Variants in NUP153 observed in about 807,000 individuals in gnomAD.
The protein encoded by NUP153 is nuclear pore complex protein Nup153.
In NUP153, 27 loss-of-function variants were observed where a neutral mutation model predicts 134.6. That is an observed-to-expected ratio of 0.20 (90% CI 0.15 to 0.28). The LOEUF is 0.28. Ranked by LOEUF, NUP153 falls within the 10% of genes least tolerant of loss-of-function variation. NUP153 has a pLI of 1.00. For synonymous variants in NUP153, 640 were observed against 623.5 expected (o/e 1.03, Z -0.40); for missense variants, 1,821 against 1,731.3 (o/e 1.05, Z -0.92).
In NUP153 at chr6:17,628,147, T is replaced by G. The variant is rs1489332760; in HGVS notation, c.3544+508A>C. On this transcript the variant is annotated intron_variant, in intron 18 of 21. Transcript: ENST00000262077. The surrounding 1 kb of genome is among the most constrained non-coding windows in gnomAD (Gnocchi z 5.4). ...CACCAACAATCATGCTTTTAACCTTTAAGGTGCTATGTCATTTTTTTCCCC... is the reference window on the plus strand; with the variant it reads ...CACCAACAATCATGCTTTTAACCTTGAAGGTGCTATGTCATTTTTTTCCCC... 6.6e-6 allele frequency among the ~76,000 whole-genome samples: 1 copy of G among 152,234 alleles called. No individual in the cohort carries two copies. Among genetic ancestry groups the G allele is most frequent in the Non-Finnish European group, 1.5e-5 (1 of 68,044 alleles).
At chr6:17,678,960 A>T (rs866012897) in intron 2 of NUP153, among the ~76,000 whole-genome samples, 20 of 151,272 alleles carry the variant, frequency 1.3e-4, no homozygotes, top group Admixed American at 4.6e-4. Flanking sequence ...AAAAAAAAAA[A>T]AAATAAGTCT....
chr6:17,634,167 G>A (rs916933944), intron 16 of NUP153, among the ~76,000 whole-genome samples: 14 of 151,964 alleles, frequency 9.2e-5, no homozygotes, highest in Non-Finnish European at 1.9e-4. Context: ...TTTTTATTGA[G>A]ACCTCTGATC....
chr6:17,679,754 G>A (rs1325049181), intron 2 of NUP153, among the ~76,000 whole-genome samples: 1 of 152,102 alleles, frequency 6.6e-6, no homozygotes, highest in Non-Finnish European at 1.5e-5. Flanking sequence ...TGTTACACAT[G>A]CTAACCCTGA....
intron 20 of NUP153, among the ~76,000 whole-genome samples, chr6:17,623,054 C>T (rs529056601): frequency 3.3e-5 from 5 of 149,756 alleles, no homozygotes; most frequent in East Asian, 4.0e-4. Context: ...CACTTGAACC[C>T]GGGAAGCGGA....
intron 8 of NUP153, among the ~76,000 whole-genome samples, chr6:17,666,859 A>G (rs193017296): frequency 6.6e-6 from 1 of 152,364 alleles, no homozygotes; most frequent in African/African-American, 2.4e-5. Context: ...GCTGTGAACA[A>G]CATTGGTTTC....
At chr6:17,682,198 A>G (rs1175442727) in intron 2 of NUP153, among the ~76,000 whole-genome samples, 1 of 152,204 alleles carries the variant, frequency 6.6e-6, no homozygotes, top group Non-Finnish European at 1.5e-5. Context: ...TAGCCTATTA[A>G]GTGTGCAACA....
At chr6:17,703,197 C>CA (rs544859988) in intron 1 of NUP153, among the ~76,000 whole-genome samples, 7,632 of 67,344 alleles carry the variant, frequency 0.11, 362 homozygotes, top group Admixed American at 0.19. Context: ...GACTCCATCT[C>CA]AAAAAAAAAA....
Position 17,637,491 on chromosome 6 carries a change from G to A in NUP153, c.2126C>T (p.Ser709Phe). Reference protein sequence around the residue: ...TPNKSGKTTLSASGTGFGDKF... With the variant: ...TPNKSGKTTLFASGTGFGDKF... ...GTCTCCAAAGCCTGTCCCTGATGCA[G>A]AAAGAGTTGTTTTGCCACTTTTATT... The change falls in exon 16 of 22, where the codon TCT becomes TTT. Residue 709 changes from serine (S) to phenylalanine (F), a missense_variant. Physicochemically the swap from Ser to Phe is radical, Grantham distance 155 (BLOSUM62 -2). Transcript: ENST00000262077. 1.9e-6 allele frequency: 3 copies of A among 1,614,216 alleles called. No individual in the cohort carries two copies. Among genetic ancestry groups the A allele is most frequent in the Non-Finnish European group, 2.5e-6 (3 of 1,180,030 alleles).
In NUP153 at chr6:17,668,964, A is replaced by G. The variant is rs1264359773; in HGVS notation, c.1068+11T>C. 6.5e-7 allele frequency: 1 copy of G among 1,548,968 alleles called. No individual in the cohort carries two copies. The highest frequency in any genetic ancestry group is 8.7e-7 in the Non-Finnish European group (1 of 1,145,684). On this transcript the variant is annotated intron_variant, in intron 8 of 21. Transcript: ENST00000262077. ...GACAGTTTAAATAACTAAATGCTAA[A>G]GAAGTTTTACCTTTTCTCTTTTGGC...
intron 18 of NUP153, among the ~76,000 whole-genome samples, chr6:17,627,334 A>G (rs1339219364): frequency 1.3e-5 from 2 of 152,240 alleles, no homozygotes; most frequent in African/African-American, 4.8e-5. Flanking sequence ...TATATAACAG[A>G]CAAAAAACTG....
At chr6:17,697,105 T>A (rs994537849) in intron 1 of NUP153, among the ~76,000 whole-genome samples, 1 of 152,158 alleles carries the variant, frequency 6.6e-6, no homozygotes, top group South Asian at 2.1e-4. Context: ...AAATACTCTG[T>A]GGCCCTAAAG....
intron 14 of NUP153, among the ~76,000 whole-genome samples, chr6:17,641,805 T>TTGCACAAC (rs2113790000): frequency 6.6e-6 from 1 of 151,344 alleles, no homozygotes; most frequent in Admixed American, 6.6e-5. Context: ...TGAAACGAGC[T>TTGCACAAC]TGCACAACTG....
intron 2 of NUP153, among the ~76,000 whole-genome samples, chr6:17,676,064 A>G (rs1768205863): frequency 6.6e-6 from 1 of 152,156 alleles, no homozygotes; most frequent in Non-Finnish European, 1.5e-5. Flanking sequence ...CACTTTTTTG[A>G]TGGTGTATTT....
At chr6:17,674,297 A>T (rs1768084055) in intron 5 of NUP153, among the ~76,000 whole-genome samples, 1 of 152,228 alleles carries the variant, frequency 6.6e-6, no homozygotes, top group Non-Finnish European at 1.5e-5. Context: ...ACTCTAAAAC[A>T]ATGAAAAATT....
Position 17,669,420 on chromosome 6 carries a change from A to T in NUP153, c.969+10T>A. ...ACACTCCTGTATTAATCGTGATTTT[A>T]AAAATTTACCGCTAAAGGGCTTGAC... On this transcript the variant is annotated intron_variant, in intron 6 of 21. Coordinates refer to ENST00000262077, the MANE Select transcript of NUP153 (RefSeq NM_005124.4). 6.2e-7 allele frequency: 1 copy of T among 1,609,290 alleles called. No individual in the cohort carries two copies. Among genetic ancestry groups the T allele is most frequent in the Non-Finnish European group, 8.5e-7 (1 of 1,175,572 alleles).
In NUP153 at chr6:17,629,088, G is replaced by A. The variant is rs201017708; in HGVS notation, c.3111C>T (p.Asn1037=). 3 of 1,614,202 alleles carry A rather than the reference G, an allele frequency of 1.9e-6. No individual in the cohort carries two copies. Among genetic ancestry groups the A allele is most frequent in the Admixed American group, 1.7e-5 (1 of 60,022 alleles). Reference sequence around the variant, plus strand: ...TCTTGTTCTCAGAGGTCACTATGGTGTTAGCAGGAGCAGGGGTGGAGTTAA... The same window carrying A: ...TCTTGTTCTCAGAGGTCACTATGGTATTAGCAGGAGCAGGGGTGGAGTTAA... ...GVINSTPAPA[N]TIVTSENKSS... The change falls in exon 18 of 22, where the codon AAC becomes AAT. Residue 1037 remains asparagine, a synonymous_variant. Coordinates refer to ENST00000262077, the MANE Select transcript of NUP153 (RefSeq NM_005124.4).
In NUP153 at chr6:17,680,950, T is replaced by C. The variant is rs13200169; in HGVS notation, c.335-5180A>G. Among the ~76,000 whole-genome samples, 3,569 of 152,206 alleles carry C rather than the reference T, an allele frequency of 0.023. 64 individuals carry two copies. Among genetic ancestry groups the C allele is most frequent in the Non-Finnish European group, 0.028 (1,903 of 68,016 alleles). On this transcript the variant is annotated intron_variant, in intron 2 of 21. Coordinates refer to ENST00000262077, the MANE Select transcript of NUP153 (RefSeq NM_005124.4). This position sits in a 1 kb window ranked among gnomAD's most constrained non-coding sequence, Gnocchi z 4.5. ...GGTATATATCCAAGTTAAAGGAAAC[T>C]AGTATATCAAAGAGATAATCTGCAC...
At chr6:17,652,692 T>C (rs1214246872) in intron 11 of NUP153, among the ~76,000 whole-genome samples, 6 of 152,166 alleles carry the variant, frequency 3.9e-5, no homozygotes, top group Admixed American at 2.6e-4. Flanking sequence ...ACAAAGTACC[T>C]AGGTCCAAAA....
intron 1 of NUP153, among the ~76,000 whole-genome samples, chr6:17,695,749 C>A (rs1581779103): frequency 6.6e-6 from 1 of 152,154 alleles, no homozygotes; most frequent in African/African-American, 2.4e-5. Flanking sequence ...GTGGCTCACG[C>A]CTGTAATCCC....
Sources: allele counts gnomAD v4.1 joint callset (sites outside exome capture counted in the v4.1 genomes callset), GRCh38; gene constraint gnomAD v4.1.1; non-coding constraint Gnocchi (gnomAD v3.1); transcripts MANE v1.5; gene names NCBI Gene and HGNC (gene_info 2026-07-23, HGNC 2026-07-21).